Variants in IGF2BP3 observed in about 807,000 individuals in gnomAD.
The protein encoded by IGF2BP3 is insulin like growth factor 2 mRNA binding protein 3, also known as insulin-like growth factor 2 mRNA-binding protein 3.
IGF2BP3 carries 9 observed loss-of-function variants against 73.8 expected under a neutral mutation model. That is an observed-to-expected ratio of 0.12 (90% CI 0.07 to 0.21). The LOEUF (loss-of-function observed/expected upper bound fraction) is 0.21. IGF2BP3 is among the 10% of genes least tolerant of loss of function. IGF2BP3 has a pLI of 1.00. For synonymous variants in IGF2BP3, 258 were observed against 256.7 expected (o/e 1.01, Z -0.05); for missense variants, 542 against 714.0 (o/e 0.76, Z 2.75).
At chr7:23,366,118 A>G (rs187204442) in intron 3 of IGF2BP3, 1 of 152,012 alleles carries the variant, frequency 6.6e-6, no homozygotes, top group Admixed American at 6.6e-5. Flanking sequence ...GATAAATGCT[A>G]TTGGTTGTCA....
At chr7:23,418,132 T>C (rs939925960) in intron 3 of IGF2BP3, among the ~76,000 whole-genome samples, 2 of 152,190 alleles carry the variant, frequency 1.3e-5, no homozygotes, top group Admixed American at 6.5e-5. Context: ...ATATTAGAGA[T>C]ACATAAAAGC....
At chr7:23,468,956 C>T (rs1486288022) in intron 1 of IGF2BP3, among the ~76,000 whole-genome samples, 2 of 152,342 alleles carry the variant, frequency 1.3e-5, no homozygotes, top group African/African-American at 2.4e-5. Flanking sequence ...CTGCTTCAGC[C>T]CAGACCCGCC....
chr7:23,316,558 C>T (rs1330841511), intron 12 of IGF2BP3, among the ~76,000 whole-genome samples: 1 of 151,814 alleles, frequency 6.6e-6, no homozygotes, highest in Admixed American at 6.6e-5. Context: ...GCCTGTAATC[C>T]CAGCTACTCG....
At chr7:23,361,772 T>C (rs1259232703) in intron 3 of IGF2BP3, 31 bp from the exon 4 acceptor site, 1 of 1,578,760 alleles carries the variant, frequency 6.3e-7, no homozygotes, top group Non-Finnish European at 8.6e-7. Context: ...AATTATAAAT[T>C]TTGAGTTTCC....
intron 3 of IGF2BP3, among the ~76,000 whole-genome samples, chr7:23,366,136 T>C (rs1467228878): frequency 4.6e-5 from 7 of 151,882 alleles, no homozygotes; most frequent in African/African-American, 9.7e-5. Context: ...TCAACTTCCG[T>C]GTAAATCTTT....
chr7:23,470,281 G>C lies in IGF2BP3; in HGVS notation c.-171C>G. The stretch of plus-strand genomic sequence containing the variant: ...ACGAGGAGTGAAAAATCAGATCCGA[G>C]GCTTGTTTTTTCCTTGTCTAGATGT... On this transcript the variant is annotated 5_prime_UTR_variant, in exon 1 of 15. Transcript: ENST00000258729. The C allele has an allele frequency of 1.9e-6, 1 of 516,668 alleles. No homozygotes were observed. The highest frequency in any genetic ancestry group is 3.4e-6 in the Non-Finnish European group (1 of 296,202). The allele number at this position is 516,668 out of a possible 1,614,324, so 32.0% of individuals were successfully genotyped here. A position where few individuals can be genotyped will look rare whatever the true frequency, so the allele number is the denominator to read the frequency against.
intron 3 of IGF2BP3, chr7:23,414,489 G>C (rs1787125585): frequency 6.6e-6 from 1 of 152,212 alleles, no homozygotes; most frequent in Non-Finnish European, 1.5e-5. Context: ...TGACTTCACA[G>C]AATCTGGCTT....
chr7:23,449,953 C>G (rs912265481), intron 2 of IGF2BP3, among the ~76,000 whole-genome samples: 1 of 152,042 alleles, frequency 6.6e-6, no homozygotes, highest in Non-Finnish European at 1.5e-5. Flanking sequence ...TTCAGGAGGT[C>G]CAAGAAGTTA....
chr7:23,350,797 C>G (rs980176553), intron 6 of IGF2BP3, among the ~76,000 whole-genome samples: 2 of 152,136 alleles, frequency 1.3e-5, no homozygotes, highest in Non-Finnish European at 2.9e-5. Flanking sequence ...CAATTAAAAC[C>G]ATCAAAAAAT....
rs140061767 is a variant in IGF2BP3 at position 23,320,456 on chromosome 7, T to C, written c.1204-1202A>G. ...TTCAAGGTTCAAGGTTCAGTAATGC[T>C]ACCAGTCAACTAACAGTTCTAAAGT... On this transcript the variant is annotated intron_variant, in intron 10 of 14. Coordinates refer to ENST00000258729, the MANE Select transcript of IGF2BP3 (RefSeq NM_006547.3). Among the ~76,000 whole-genome samples the C allele has an allele frequency of 5.7e-3, 861 of 150,986 alleles. 3 individuals are homozygous for C. Among genetic ancestry groups the C allele is most frequent in the African/African-American group, 0.02 (829 of 40,968 alleles).
chr7:23,358,468 A>C (rs1283315036), intron 5 of IGF2BP3, among the ~76,000 whole-genome samples: 6 of 152,246 alleles, frequency 3.9e-5, no homozygotes, highest in Admixed American at 3.3e-4. Context: ...TATGGGGTTC[A>C]TTGGAAGTCC....
intron 3 of IGF2BP3, among the ~76,000 whole-genome samples, chr7:23,407,609 CAA>C (rs569308741): frequency 0.35 from 31,508 of 89,378 alleles, 3,472 homozygotes; most frequent in South Asian, 0.44. Context: ...ACTCTGTCTC[CAA>C]AAAAAAAAAA....
intron 2 of IGF2BP3, among the ~76,000 whole-genome samples, chr7:23,461,209 T>C (rs980642105): frequency 1.6e-4 from 24 of 152,176 alleles, no homozygotes; most frequent in African/African-American, 5.3e-4. Context: ...CAGTTTGCCC[T>C]GCTTGCTTTC....
chr7:23,458,931 T>C (rs1234248206), intron 2 of IGF2BP3, among the ~76,000 whole-genome samples: 1 of 152,132 alleles, frequency 6.6e-6, no homozygotes, highest in Admixed American at 6.5e-5. Flanking sequence ...TTTGGACAAC[T>C]TAAATGGGAG....
intron 2 of IGF2BP3, among the ~76,000 whole-genome samples, chr7:23,422,299 T>A (rs1787371812): frequency 6.6e-6 from 1 of 152,114 alleles, no homozygotes; most frequent in African/African-American, 2.4e-5. Flanking sequence ...GAGGATACTA[T>A]CTTTTGTTTA....
chr7:23,365,159 CTG>C (rs1785338418), intron 3 of IGF2BP3, among the ~76,000 whole-genome samples: 1 of 151,626 alleles, frequency 6.6e-6, no homozygotes, highest in Non-Finnish European at 1.5e-5. Flanking sequence ...GAGCAAGATT[CTG>C]TCTCAAAATA....
intron 2 of IGF2BP3, among the ~76,000 whole-genome samples, chr7:23,433,961 C>T (rs935687373): frequency 4.6e-5 from 7 of 151,832 alleles, no homozygotes; most frequent in African/African-American, 1.7e-4. Context: ...GCCTGTAATC[C>T]CAGCTACTTG....
At chr7:23,313,129 G>A (rs1783879247) in intron 13 of IGF2BP3, among the ~76,000 whole-genome samples, 1 of 152,150 alleles carries the variant, frequency 6.6e-6, no homozygotes, top group African/African-American at 2.4e-5. Context: ...ATTATAAATA[G>A]CTTTGAAACC....
chr7:23,411,043 C>CA (rs1485515253), intron 3 of IGF2BP3, among the ~76,000 whole-genome samples: 1 of 152,142 alleles, frequency 6.6e-6, no homozygotes, highest in Non-Finnish European at 1.5e-5. Flanking sequence ...CAAAGTCAGG[C>CA]CACTGAGAAG....
Sources: gnomAD v4.1 joint callset for allele counts (sites outside exome capture counted in the v4.1 genomes callset) on GRCh38, gnomAD v4.1.1 for gene constraint, MANE v1.5 for transcripts, NCBI Gene and HGNC (gene_info 2026-07-23, HGNC 2026-07-21) for gene names.